The following IFT88 variants were observed in gnomAD, a reference collection of about 807,000 sequenced individuals.
IFT88 encodes the protein intraflagellar transport protein 88 homolog.
In IFT88, 74 loss-of-function variants were observed where a neutral mutation model predicts 119.5. The ratio of observed to expected loss-of-function variants is 0.62; its 90% confidence interval spans 0.51 to 0.75. The LOEUF is 0.75. IFT88 is among the 30% of genes least tolerant of loss of function. The pLI is 0.00. For missense variants in IFT88, 961 were observed against 977.7 expected, an observed-to-expected ratio of 0.98 and a Z score of 0.23; for synonymous variants, 279 against 316.7, an observed-to-expected ratio of 0.88 and a Z score of 1.26.
At chr13:20,685,066 G>A (rs1443450193) in intron 24 of IFT88, among the ~76,000 whole-genome samples, 1 of 152,230 alleles carries the variant, frequency 6.6e-6, no homozygotes, top group Non-Finnish European at 1.5e-5. Context: ...TTGACAGTAA[G>A]CCAGTGCTAA....
At chr13:20,614,650 T>G (rs1331016034) in intron 13 of IFT88, among the ~76,000 whole-genome samples, 1 of 152,140 alleles carries the variant, frequency 6.6e-6, no homozygotes, top group Non-Finnish European at 1.5e-5. Flanking sequence ...GACAGTAATC[T>G]GGTTGTGATA....
chr13:20,598,750 G>A lies in IFT88; in HGVS notation c.694G>A (p.Ala232Thr), dbSNP rs755927859. 3.8e-6 allele frequency: 6 copies of A among 1,566,162 alleles called. No individual in the cohort carries two copies. Among genetic ancestry groups the A allele is most frequent in the South Asian group, 3.3e-5 (3 of 89,906 alleles). The change falls in exon 10 of 26, where the codon GCA (alanine) becomes ACA (threonine). Residue 232 changes from alanine to threonine, a missense_variant. Coordinates refer to ENST00000351808, the MANE Select transcript of IFT88 (RefSeq NM_006531.5). ...VIVKNKMFSN[A>T]GILKMNMGNI... Reference sequence around the variant, plus strand: ...AGTCAAAAATAAGATGTTTAGCAATGCAGGTAAGTGTACATAATCAGTTTT... The same window carrying A: ...AGTCAAAAATAAGATGTTTAGCAATACAGGTAAGTGTACATAATCAGTTTT...
chr13:20,599,705 T>G, intron 11 of IFT88, 140 bp downstream of exon 11: 1 of 553,446 alleles, frequency 1.8e-6, no homozygotes, highest in South Asian at 2.7e-5. Context: ...TTTTGATCTG[T>G]TCCCTTCTTA....
chr13:20,657,318 C>A (rs572240254), intron 22 of IFT88, among the ~76,000 whole-genome samples: 1 of 152,168 alleles, frequency 6.6e-6, no homozygotes, highest in East Asian at 1.9e-4. Context: ...ATGGCAGTAA[C>A]AACAAAATCA....
At chr13:20,589,469 A>G (rs1017605846) in intron 3 of IFT88, among the ~76,000 whole-genome samples, 51 of 152,184 alleles carry the variant, frequency 3.4e-4, no homozygotes, top group Non-Finnish European at 6.8e-4. Context: ...TCAGACCCCA[A>G]ATCTTGTGTC....
chr13:20,596,395 G>GAATAA (rs2041645906), intron 8 of IFT88, among the ~76,000 whole-genome samples, 155 bp downstream of exon 8: 1 of 152,200 alleles, frequency 6.6e-6, no homozygotes, highest in Non-Finnish European at 1.5e-5. Context: ...TTGTAACTCA[G>GAATAA]TTTCATAAAT....
At chr13:20,645,597 A>G (rs1419859029) in intron 20 of IFT88, among the ~76,000 whole-genome samples, 1 of 152,184 alleles carries the variant, frequency 6.6e-6, no homozygotes, top group Non-Finnish European at 1.5e-5. Flanking sequence ...CATCTCTAAA[A>G]GAGTCTTAAT....
At chr13:20,635,015 G>T (rs1344541021) in intron 16 of IFT88, among the ~76,000 whole-genome samples, 2 of 137,116 alleles carry the variant, frequency 1.5e-5, no homozygotes, top group African/African-American at 5.6e-5. Context: ...TGTTCTCATT[G>T]TTCAATTCCC....
rs765020965 is a variant in IFT88, at chr13:20,690,739, T to G, written c.2277T>G (p.Gly759=). 2 of 1,613,770 alleles carry G rather than the reference T, an allele frequency of 1.2e-6. No homozygotes were observed. The highest frequency in any genetic ancestry group is 2.2e-5 in the South Asian group (2 of 91,072). Residue 759 remains glycine, a synonymous_variant, in exon 25 of 26, where the codon GGT becomes GGG. Coordinates refer to ENST00000351808, the MANE Select transcript of IFT88 (RefSeq NM_006531.5). The part of the protein sequence containing the change: ...SGQNYSASSK[G]ERLSARLRAL... The stretch of plus-strand genomic sequence containing the variant: ...AGAACTATAGTGCCAGTAGTAAAGG[T>G]GAACGACTAAGTGCCAGACTCAGAG...
intron 22 of IFT88, among the ~76,000 whole-genome samples, chr13:20,661,873 A>G (rs927336564): frequency 3.9e-5 from 6 of 152,204 alleles, no homozygotes; most frequent in African/African-American, 1.4e-4. Flanking sequence ...AATTCTTGAC[A>G]TAGAACCCCA....
At chr13:20,650,498 C>G (rs1037828894) in intron 20 of IFT88, among the ~76,000 whole-genome samples, 3 of 152,164 alleles carry the variant, frequency 2.0e-5, no homozygotes, top group African/African-American at 4.8e-5. Flanking sequence ...TGGAAACTCA[C>G]AGCTAACAGG....
At chr13:20,592,110 C>T (rs752190058) in intron 6 of IFT88, among the ~76,000 whole-genome samples, 72 of 152,200 alleles carry the variant, frequency 4.7e-4, no homozygotes, top group Middle Eastern at 3.4e-3. Context: ...TTAAGTTTAA[C>T]ACACGTATTA....
At chr13:20,683,071 T>C (rs1221898549) in intron 24 of IFT88, among the ~76,000 whole-genome samples, 1 of 152,224 alleles carries the variant, frequency 6.6e-6, no homozygotes, top group African/African-American at 2.4e-5. Context: ...TCCATTTACC[T>C]GATTTTTTCT....
chr13:20,683,984 C>T (rs1451384593), intron 24 of IFT88, among the ~76,000 whole-genome samples: 1 of 152,226 alleles, frequency 6.6e-6, no homozygotes, highest in East Asian at 1.9e-4. Context: ...AGTAATCCTA[C>T]CGTCCCCACT....
rs971116118 is a variant in IFT88 at position 20,644,836 on chromosome 13, T to C, written c.1834-7T>C. ...TTGTATTGTTACATTCCATATTTGTTTTACAGTCATATAGGTATTTTCCTT... is the reference window on the plus strand; with the variant it reads ...TTGTATTGTTACATTCCATATTTGTCTTACAGTCATATAGGTATTTTCCTT... On this transcript the variant is annotated splice_polypyrimidine_tract_variant and splice_region_variant and intron_variant, in intron 19 of 25. Transcript: ENST00000351808. 4.7e-6 allele frequency: 6 copies of C among 1,279,024 alleles called. No homozygotes were observed. In the African/African-American group the frequency reaches 8.9e-5, roughly 19 times the overall value. The allele number at this position is 1,279,024 out of a possible 1,614,324, so 79.2% of individuals were successfully genotyped here.
chr13:20,606,015 T>G (rs1170843243), intron 13 of IFT88, among the ~76,000 whole-genome samples: 1 of 34,888 alleles, frequency 2.9e-5, no homozygotes, highest in African/African-American at 9.4e-5. Flanking sequence ...GTAGGTTTCA[T>G]GATGTAGGCA....
At chr13:20,591,112 A>C in intron 5 of IFT88, 92 bp downstream of exon 5, 1 of 835,884 alleles carries the variant, frequency 1.2e-6, no homozygotes, top group Non-Finnish European at 1.9e-6. Flanking sequence ...TTATTTTAAA[A>C]TGTTAAAGAA....
chr13:20,648,449 TAA>T lies in IFT88; in HGVS notation c.1949+3492_1949+3493del, dbSNP rs370227890. Among the ~76,000 whole-genome samples, 252 of 152,276 alleles carry T rather than the reference TAA, an allele frequency of 1.7e-3. 1 individual carries two copies. The highest frequency in any genetic ancestry group is 5.9e-3 in the African/African-American group (244 of 41,572). ...TTGTATTGTTCAAGTGAGATTGTTA[TAA>T]GTTTCAGATGTTAATTATAATACCC... On this transcript the variant is annotated intron_variant, in intron 20 of 25. Coordinates refer to ENST00000351808, the MANE Select transcript of IFT88 (RefSeq NM_006531.5).
chr13:20,655,455 CAA>C (rs113356300), intron 21 of IFT88, among the ~76,000 whole-genome samples: 1 of 145,460 alleles, frequency 6.9e-6, no homozygotes, highest in Non-Finnish European at 1.5e-5. Flanking sequence ...AAAAAAAAAA[CAA>C]AAAAAACCAC....
Sources: allele counts gnomAD v4.1 joint callset (sites outside exome capture counted in the v4.1 genomes callset), GRCh38; gene constraint gnomAD v4.1.1; transcripts MANE v1.5; gene names NCBI Gene and HGNC (gene_info 2026-07-23, HGNC 2026-07-21).